The following TACR3 variants were observed in gnomAD, a reference collection of about 807,000 sequenced individuals.
The protein encoded by TACR3 is neuromedin-K receptor.
A neutral mutation model predicts 35.0 loss-of-function variants in TACR3; 34 were observed. The ratio of observed to expected loss-of-function variants is 0.97; its 90% confidence interval spans 0.74 to 1.30. The LOEUF (loss-of-function observed/expected upper bound fraction) is 1.30, where lower values mean the gene tolerates loss of function less well. Ranked by LOEUF, TACR3 falls within the 50% of genes most tolerant of loss-of-function variation. TACR3 has a pLI of 0.00. For synonymous variants in TACR3, 233 were observed against 221.1 expected (o/e 1.05, Z -0.48); for missense variants, 558 against 591.7 (o/e 0.94, Z 0.59).
intron 1 of TACR3, among the ~76,000 whole-genome samples, chr4:103,704,108 A>C (rs1722729922): frequency 5.5e-5 from 4 of 72,078 alleles, no homozygotes; most frequent in Non-Finnish European, 8.5e-5. Flanking sequence ...TATCTCACAA[A>C]AAAAAAAAAA....
rs1216055067 is a variant in TACR3 at position 103,591,559 on chromosome 4, T to C, written c.1013A>G (p.Tyr338Cys). 3.1e-6 allele frequency: 5 copies of C among 1,613,934 alleles called. No homozygotes were observed. The highest frequency in any genetic ancestry group is 1.7e-5 in the Admixed American group (1 of 60,000). ...CATTGCCAGCCAAAAGCTAGCCAGG[T>C]AGACCTGCTGGATGTATTTCCATCT... Reference protein sequence around the residue: ...LNRWKYIQQVYLASFWLAMSS... With the variant: ...LNRWKYIQQVCLASFWLAMSS... The change falls in exon 4 of 5, where the codon TAC becomes TGC. Residue 338 changes from tyrosine (Y) to cysteine (C), a missense_variant. Physicochemically the swap from Tyr to Cys is radical, Grantham distance 194. Coordinates refer to ENST00000304883, the MANE Select transcript of TACR3 (RefSeq NM_001059.3).
At chr4:103,623,537 A>G (rs367897378) in intron 3 of TACR3, among the ~76,000 whole-genome samples, 77 of 152,278 alleles carry the variant, frequency 5.1e-4, no homozygotes, top group African/African-American at 1.7e-3. Flanking sequence ...TATCTGAACT[A>G]TATGTCCCAT....
chr4:103,653,687 A>G (rs959077276), intron 3 of TACR3, among the ~76,000 whole-genome samples: 1 of 152,022 alleles, frequency 6.6e-6, no homozygotes, highest in African/African-American at 2.4e-5. Flanking sequence ...AAAAGCCAAA[A>G]TTGACAAATG....
At chr4:103,639,563 C>T (rs1725298199) in intron 3 of TACR3, among the ~76,000 whole-genome samples, 2 of 151,758 alleles carry the variant, frequency 1.3e-5, no homozygotes, top group South Asian at 4.2e-4. Flanking sequence ...GCACGTTGTG[C>T]ACATGTACCC....
chr4:103,630,034 C>T (rs567726750), intron 3 of TACR3, among the ~76,000 whole-genome samples: 16 of 152,104 alleles, frequency 1.1e-4, no homozygotes, highest in South Asian at 6.2e-4. Flanking sequence ...GAAATAACAC[C>T]GCACATCTAC....
intron 1 of TACR3, among the ~76,000 whole-genome samples, chr4:103,707,337 A>G (rs1722818149): frequency 1.3e-5 from 2 of 152,122 alleles, no homozygotes; most frequent in East Asian, 1.9e-4. Context: ...AGAAATTAAG[A>G]CTGTTTGACC....
At chr4:103,626,297 T>C (rs1724888647) in intron 3 of TACR3, among the ~76,000 whole-genome samples, 1 of 152,228 alleles carries the variant, frequency 6.6e-6, no homozygotes. Context: ...ATCTGGTATC[T>C]TTTACCAATT....
chr4:103,639,628 C>T (rs1725301295), intron 3 of TACR3, among the ~76,000 whole-genome samples: 1 of 151,520 alleles, frequency 6.6e-6, no homozygotes, highest in Non-Finnish European at 1.5e-5. Flanking sequence ...ATCAGTTGAC[C>T]ACAAAAAAAT....
In TACR3 at chr4:103,634,596, G is replaced by A. The variant is rs574327056; in HGVS notation, c.888+21598C>T. ...CATCTTCATCAGCATAAACTGTAAA[G>A]TACCTCTTGCTGCATATGAACTATT... is the stretch of plus-strand genomic sequence containing the variant. On this transcript the variant is annotated intron_variant, in intron 3 of 4. Coordinates refer to ENST00000304883, the MANE Select transcript of TACR3 (RefSeq NM_001059.3). 3.9e-5 allele frequency among the ~76,000 whole-genome samples: 6 copies of A among 152,170 alleles called. No individual in the cohort carries two copies. The East Asian group carries it at 1.2e-3, about 29-fold the overall frequency.
rs1448405943 is a variant in TACR3 at position 103,684,553 on chromosome 4, G to A, written c.549-26150C>T. Reference sequence around the variant, plus strand: ...AAATACTGATAAAAAAATAAAGACCGAAATAGGTGATAAAAAGGCATCCTA... The same window carrying A: ...AAATACTGATAAAAAAATAAAGACCAAAATAGGTGATAAAAAGGCATCCTA... On this transcript the variant is annotated intron_variant, in intron 1 of 4. Coordinates refer to ENST00000304883, the MANE Select transcript of TACR3 (RefSeq NM_001059.3). Among the ~76,000 whole-genome samples the A allele has an allele frequency of 2.0e-5, 3 of 152,094 alleles. No homozygotes were observed. In the East Asian group the frequency reaches 5.8e-4, roughly 29 times the overall value.
chr4:103,636,177 A>G (rs998010231), intron 3 of TACR3, among the ~76,000 whole-genome samples: 2 of 152,014 alleles, frequency 1.3e-5, no homozygotes, highest in Non-Finnish European at 2.9e-5. Flanking sequence ...AGAATTTGTT[A>G]AGGGAGTTTA....
chr4:103,670,731 G>A (rs1049571228), intron 1 of TACR3, among the ~76,000 whole-genome samples: 8 of 151,782 alleles, frequency 5.3e-5, no homozygotes, highest in African/African-American at 1.9e-4. Flanking sequence ...GAGTCTTTAG[G>A]TTTTCTAAAT....
intron 3 of TACR3, among the ~76,000 whole-genome samples, chr4:103,633,396 ATTTAT>A (rs1405400015): frequency 4.9e-5 from 7 of 143,198 alleles, no homozygotes; most frequent in Non-Finnish European, 7.8e-5. Flanking sequence ...CTGCAAATCA[ATTTAT>A]TTTATTATTA....
intron 3 of TACR3, among the ~76,000 whole-genome samples, chr4:103,628,579 C>T (rs1198086600): frequency 6.6e-6 from 1 of 152,140 alleles, no homozygotes; most frequent in Non-Finnish European, 1.5e-5. Context: ...GACACATACA[C>T]CCTCCCAACA....
chr4:103,670,888 T>C (rs1726043867), intron 1 of TACR3, among the ~76,000 whole-genome samples: 1 of 152,092 alleles, frequency 6.6e-6, no homozygotes, highest in Non-Finnish European at 1.5e-5. Flanking sequence ...CCTTGTCTTG[T>C]TCCAGATCTT....
Position 103,588,643 on chromosome 4 carries a change from C to T in TACR3, c.*1039G>A, listed in dbSNP as rs1165550452. 1 of 152,056 alleles carries T rather than the reference C, an allele frequency of 6.6e-6. No individual in the cohort carries two copies. Among genetic ancestry groups the T allele is most frequent in the Non-Finnish European group, 1.5e-5 (1 of 67,958 alleles). 9.4% of individuals were successfully genotyped at this position (152,056 alleles called of 1,614,324 possible). A position where few individuals can be genotyped will look rare whatever the true frequency, so the allele number is the denominator to read the frequency against. ...CCAAACTATTGTGCAGATTCGTTTT[C>T]TAAGAGGTAATTCACTTGTCTACAC... On this transcript the variant is annotated 3_prime_UTR_variant, in exon 5 of 5. Coordinates refer to ENST00000304883, the MANE Select transcript of TACR3 (RefSeq NM_001059.3).
intron 3 of TACR3, among the ~76,000 whole-genome samples, chr4:103,621,488 G>T (rs1446844207): frequency 8.5e-5 from 13 of 152,200 alleles, no homozygotes; most frequent in African/African-American, 3.1e-4. Context: ...TGGAATATAA[G>T]ATAGGCAGGA....
chr4:103,670,230 T>C (rs1229266706), intron 1 of TACR3, among the ~76,000 whole-genome samples: 1 of 152,108 alleles, frequency 6.6e-6, no homozygotes, highest in Non-Finnish European at 1.5e-5. Context: ...TTTTGGTAAC[T>C]ATAAATTTGC....
chr4:103,634,137 T>C (rs1177070573), intron 3 of TACR3, among the ~76,000 whole-genome samples: 1 of 152,102 alleles, frequency 6.6e-6, no homozygotes, highest in Non-Finnish European at 1.5e-5. Flanking sequence ...CTGCATGAAC[T>C]GTTAGTCATT....
Sources: allele counts gnomAD v4.1 joint callset (sites outside exome capture counted in the v4.1 genomes callset), GRCh38; gene constraint gnomAD v4.1.1; transcripts MANE v1.5; gene names NCBI Gene and HGNC (gene_info 2026-07-23, HGNC 2026-07-21).